RFX8: variants seen among roughly 807,000 people sequenced by gnomAD.
RFX8 encodes regulatory factor X8.
RFX8 carries 46 observed loss-of-function variants against 54.6 expected under a neutral mutation model. That is an observed-to-expected ratio of 0.84 (90% confidence interval 0.67 to 1.08). The LOEUF is 1.08. RFX8 is among the 50% of genes least tolerant of loss of function. The pLI is 0.00. For missense variants in RFX8, 536 were observed against 562.3 expected (o/e 0.95, Z 0.47); for synonymous variants, 192 against 209.5 (o/e 0.92, Z 0.72).
chr2:101,467,404 G>A (rs1689635397), intron 1 of RFX8, among the ~76,000 whole-genome samples: 1 of 152,312 alleles, frequency 6.6e-6, no homozygotes, highest in African/African-American at 2.4e-5. Context: ...CTGTTCCTCT[G>A]AAGCAGTTGC....
chr2:101,408,408 C>G (rs1482245065), intron 9 of RFX8, among the ~76,000 whole-genome samples: 1 of 151,984 alleles, frequency 6.6e-6, no homozygotes, highest in East Asian at 1.9e-4. Context: ...TGGCGTGAAC[C>G]CTGGGGGCGG....
At chr2:101,445,009 T>TATCTGCTCTTATCCAGA (rs1688292303) in intron 2 of RFX8, among the ~76,000 whole-genome samples, 1 of 152,236 alleles carries the variant, frequency 6.6e-6, no homozygotes, top group Non-Finnish European at 1.5e-5. Flanking sequence ...TCTGTTCCAG[T>TATCTGCTCTTATCCAGA]ATCTGCTCTT....
At chr2:101,425,461 C>T (rs920172805) in intron 2 of RFX8, among the ~76,000 whole-genome samples, 4 of 152,142 alleles carry the variant, frequency 2.6e-5, no homozygotes, top group African/African-American at 7.2e-5. Context: ...AGTTCTTTAT[C>T]GAATGCTACA....
intron 3 of RFX8, among the ~76,000 whole-genome samples, chr2:101,422,093 C>T (rs1006251970): frequency 6.6e-6 from 1 of 152,188 alleles, no homozygotes; most frequent in Non-Finnish European, 1.5e-5. Flanking sequence ...ATCCCCAGCC[C>T]TAATTTCTAG....
chr2:101,459,016 T>G (rs1348974221), intron 2 of RFX8, among the ~76,000 whole-genome samples: 1 of 152,234 alleles, frequency 6.6e-6, no homozygotes, highest in East Asian at 1.9e-4. Context: ...TATTGAAGCT[T>G]GTGTATGCAT....
At chr2:101,450,497 G>A (rs1688615250) in intron 2 of RFX8, 2 of 612,708 alleles carry the variant, frequency 3.3e-6, no homozygotes, top group Non-Finnish European at 5.7e-6. Context: ...CAAAGTGTTG[G>A]GATTACAGGC....
Position 101,466,876 on chromosome 2 carries a change from G to C in RFX8, c.-28C>G. On this transcript the variant is annotated 5_prime_UTR_variant, in exon 2 of 12. Transcript: ENST00000428343. ...GACAGCGAGGGACGCTGCACTCTTC[G>C]CAAATGCAGAAGTTGTCGACCAACC... 6 of 1,530,160 alleles carry C rather than the reference G, an allele frequency of 3.9e-6. No homozygotes were observed. Among genetic ancestry groups the C allele is most frequent in the Non-Finnish European group, 4.4e-6 (5 of 1,127,436 alleles). 94.8% of individuals were successfully genotyped at this position (1,530,160 alleles called of 1,614,324 possible).
rs561869238 is a variant in RFX8, at chr2:101,454,076, T to C, written c.72+12701A>G. Among the ~76,000 whole-genome samples, 105 of 133,842 alleles carry C rather than the reference T, an allele frequency of 7.8e-4. 1 individual carries two copies. Among genetic ancestry groups the C allele is most frequent in the African/African-American group, 2.9e-3 (102 of 35,458 alleles). The allele number at this position is 133,842 out of a possible 152,430, so 87.8% of individuals were successfully genotyped here. A position where few individuals can be genotyped will look rare whatever the true frequency, so the allele number is the denominator to read the frequency against. ...CCCCCACCCCCGACAGGCCCCGGTG[T>C]GTGATGTTCCCCTCCCTGTGTTCAT... is the stretch of plus-strand genomic sequence containing the variant. On this transcript the variant is annotated intron_variant, in intron 2 of 11. Coordinates refer to ENST00000428343, the MANE Select transcript of RFX8 (RefSeq NM_001145664.2).
intron 9 of RFX8, among the ~76,000 whole-genome samples, chr2:101,407,274 G>A (rs1010103344): frequency 6.6e-6 from 1 of 152,206 alleles, no homozygotes; most frequent in African/African-American, 2.4e-5. Flanking sequence ...GGGGACGTGA[G>A]GTCCTTTCAG....
rs1360958813 is a variant in RFX8 at position 101,402,654 on chromosome 2, C to T, written c.1027G>A (p.Val343Ile). Residue 343 changes from valine (V) to isoleucine (I), a missense_variant, in exon 11 of 12, where the codon GTC becomes ATC. Coordinates refer to ENST00000428343, the MANE Select transcript of RFX8 (RefSeq NM_001145664.2). ...GGGTCATCTGGTAGCATTTCCTTGA[C>T]AGTCCCCATGTCCTCCTCCTCCTCT... Reference protein sequence around the residue: ...EEEEEEDMGTVKEMLPDDPTL... With the variant: ...EEEEEEDMGTIKEMLPDDPTL... 2 of 1,554,556 alleles carry T rather than the reference C, an allele frequency of 1.3e-6. No homozygotes were observed. The highest frequency in any genetic ancestry group is 1.2e-5 in the South Asian group (1 of 84,166).
At chr2:101,437,865 G>A (rs1426607694) in intron 2 of RFX8, among the ~76,000 whole-genome samples, 2 of 62,064 alleles carry the variant, frequency 3.2e-5, no homozygotes, top group Non-Finnish European at 1.0e-4. Context: ...GCAGGTTCAT[G>A]TATCCACCAC....
chr2:101,474,419 G>T (rs1690194644), intron 1 of RFX8: 1 of 378,670 alleles, frequency 2.6e-6, no homozygotes, highest in East Asian at 4.0e-5. Context: ...CGCGGGGCGG[G>T]AGCCCAGTCC....
chr2:101,441,263 C>A (rs1251662310), intron 2 of RFX8, among the ~76,000 whole-genome samples: 1 of 152,212 alleles, frequency 6.6e-6, no homozygotes, highest in African/African-American at 2.4e-5. Flanking sequence ...AGCCACTGCG[C>A]CCAGCCCTTG....
intron 10 of RFX8, among the ~76,000 whole-genome samples, chr2:101,404,506 C>T (rs1685617597): frequency 6.6e-6 from 1 of 152,272 alleles, no homozygotes; most frequent in African/African-American, 2.4e-5. Flanking sequence ...TCTCAGCTCA[C>T]TGCAACCTCT....
intron 2 of RFX8, among the ~76,000 whole-genome samples, chr2:101,445,826 C>T (rs766693197): frequency 6.6e-6 from 1 of 152,002 alleles, no homozygotes; most frequent in Non-Finnish European, 1.5e-5. Flanking sequence ...CTAGAACAGG[C>T]CTGACTTATT....
chr2:101,450,305 G>C (rs1558879365), intron 2 of RFX8, among the ~76,000 whole-genome samples: 1 of 152,100 alleles, frequency 6.6e-6, no homozygotes, highest in Non-Finnish European at 1.5e-5. Context: ...ACTGCAGCCT[G>C]GACCTTGTCA....
rs746392837 is a variant in RFX8 at position 101,402,682 on chromosome 2, C to A, written c.999G>T (p.Glu333Asp). The A allele has an allele frequency of 1.9e-6, 3 of 1,555,156 alleles. No individual in the cohort carries two copies. The highest frequency in any genetic ancestry group is 2.6e-6 in the Non-Finnish European group (3 of 1,148,544). The change falls in exon 11 of 12, where the codon GAG becomes GAT. Residue 333 changes from glutamate (E) to aspartate (D), a missense_variant. Physicochemically the swap from Glu to Asp is conservative, Grantham distance 45 (BLOSUM62 2). Coordinates refer to ENST00000428343, the MANE Select transcript of RFX8 (RefSeq NM_001145664.2). ...TCCCCATGTCCTCCTCCTCCTCTTC[C>A]TCCTCTAGGCATGACTGAAGTATAT... ...MIHILQSCLE[E>D]EEEEEDMGTV... is the part of the protein sequence containing the mutation.
chr2:101,433,833 C>T (rs1573420226), intron 2 of RFX8, among the ~76,000 whole-genome samples: 1 of 152,134 alleles, frequency 6.6e-6, no homozygotes, highest in South Asian at 2.1e-4. Flanking sequence ...AGGTTCTCAT[C>T]GTAACTCTTC....
At chr2:101,425,699 G>A (rs1277373053) in intron 2 of RFX8, among the ~76,000 whole-genome samples, 2 of 152,126 alleles carry the variant, frequency 1.3e-5, no homozygotes, top group African/African-American at 4.8e-5. Context: ...ATTAAAAACT[G>A]TGAAAAGAAT....
Sources: allele counts gnomAD v4.1 joint callset (sites outside exome capture counted in the v4.1 genomes callset), GRCh38; gene constraint gnomAD v4.1.1; transcripts MANE v1.5; gene names NCBI Gene and HGNC (gene_info 2026-07-23, HGNC 2026-07-21).